The following SEC63 variants were observed in gnomAD, a reference collection of about 807,000 sequenced individuals.
The protein encoded by SEC63 is translocation protein SEC63 homolog.
In SEC63, 56 loss-of-function variants were observed where a neutral mutation model predicts 116.2. The observed-to-expected ratio is 0.48, with a 90% CI of 0.39 to 0.60. The LOEUF (loss-of-function observed/expected upper bound fraction) is 0.60. Ranked by LOEUF, SEC63 falls within the 20% of genes least tolerant of loss-of-function variation. SEC63 has a pLI of 0.00. For synonymous variants in SEC63, 273 were observed against 294.6 expected (o/e 0.93, Z 0.75); for missense variants, 668 against 900.0 (o/e 0.74, Z 3.30).
At chr6:107,936,981 T>C (rs1218326970) in intron 1 of SEC63, among the ~76,000 whole-genome samples, 1 of 152,220 alleles carries the variant, frequency 6.6e-6, no homozygotes, top group Non-Finnish European at 1.5e-5. Context: ...CTCCCACTTA[T>C]AAGTCAGAAC....
At chr6:107,905,928 T>C (rs1210446873) in intron 10 of SEC63, among the ~76,000 whole-genome samples, 1 of 152,204 alleles carries the variant, frequency 6.6e-6, no homozygotes, top group Non-Finnish European at 1.5e-5. Flanking sequence ...TAAAAAGTCC[T>C]TGAGCAATTA....
At chr6:107,935,156 C>T (rs1186926229) in intron 1 of SEC63, among the ~76,000 whole-genome samples, 3 of 147,968 alleles carry the variant, frequency 2.0e-5, no homozygotes, top group East Asian at 4.2e-4. Context: ...CTGCCCCGTC[C>T]GGGAGGGAGG....
chr6:107,921,915 GAAAAAC>G lies in SEC63; in HGVS notation c.340-12_340-7del, dbSNP rs398124248. 255,863 of 1,053,798 alleles carry G rather than the reference GAAAAAC, an allele frequency of 0.24. 17,638 individuals are homozygous for G. Among genetic ancestry groups the G allele is most frequent in the South Asian group, 0.31 (19,839 of 64,684 alleles). The allele number at this position is 1,053,798 out of a possible 1,614,324, so 65.3% of individuals were successfully genotyped here. A position where few individuals can be genotyped will look rare whatever the true frequency, so the allele number is the denominator to read the frequency against. ...ATTTCTGCTACTGTGGCTCCCTGGGGAAAAACAAAAAAAAAAAACAAGCTTTCTGTT... is the reference window on the plus strand; with the variant it reads ...ATTTCTGCTACTGTGGCTCCCTGGGGAAAAAAAAAAAACAAGCTTTCTGTT... On this transcript the variant is annotated splice_region_variant and splice_polypyrimidine_tract_variant and intron_variant, in intron 3 of 20. Coordinates refer to ENST00000369002, the MANE Select transcript of SEC63 (RefSeq NM_007214.5).
chr6:107,869,485 AT>A lies in SEC63; in HGVS notation c.*2218del. ...TTGTTGACAAAATGTCAGTTTCTTT[AT>A]AGGAAGAAAATTGAAACTTTGCTCA... On this transcript the variant is annotated 3_prime_UTR_variant, in exon 21 of 21. Coordinates refer to ENST00000369002, the MANE Select transcript of SEC63 (RefSeq NM_007214.5). 1 of 152,288 alleles carries A rather than the reference AT, an allele frequency of 6.6e-6. No individual in the cohort carries two copies. Among genetic ancestry groups the A allele is most frequent in the East Asian group, 1.9e-4 (1 of 5,190 alleles). 9.4% of individuals were successfully genotyped at this position (152,288 alleles called of 1,614,324 possible).
intron 1 of SEC63, among the ~76,000 whole-genome samples, chr6:107,939,869 A>C (rs1029990886): frequency 1.3e-5 from 2 of 152,216 alleles, no homozygotes; most frequent in East Asian, 3.8e-4. Flanking sequence ...GAAGTGAAAA[A>C]TTGGGAAATA....
chr6:107,912,774 G>T lies in SEC63; in HGVS notation c.515C>A (p.Ala172Asp). ...EEFGNPDGPQ[A>D]TSFGIALPAW... The stretch of plus-strand genomic sequence containing the variant: ...TGGCAGGGCAATTCCAAAGCTTGTG[G>T]CTGAAATAGAAAAAATATCAGTTTC... Residue 172 changes from alanine to aspartate, a missense_variant and splice_region_variant, in exon 6 of 21, where the codon GCC becomes GAC. Around this residue, in one of 5 missense-constraint regions of SEC63, gnomAD observed 430 missense variants for 557.5 expected, o/e 0.77. Coordinates refer to ENST00000369002, the MANE Select transcript of SEC63 (RefSeq NM_007214.5). The T allele has an allele frequency of 6.2e-7, 1 of 1,608,946 alleles. No homozygotes were observed. The highest frequency in any genetic ancestry group is 8.5e-7 in the Non-Finnish European group (1 of 1,175,686).
chr6:107,938,138 C>T (rs1386077113), intron 1 of SEC63, among the ~76,000 whole-genome samples: 2 of 152,068 alleles, frequency 1.3e-5, no homozygotes, highest in Non-Finnish European at 2.9e-5. Context: ...AAAACCACAG[C>T]AATTTCATAC....
chr6:107,944,574 G>C (rs1392676844), intron 1 of SEC63, among the ~76,000 whole-genome samples: 1 of 152,106 alleles, frequency 6.6e-6, no homozygotes, highest in East Asian at 1.9e-4. Context: ...GTGTATGCCT[G>C]TAATCCCAAG....
chr6:107,937,698 T>C (rs1297477575), intron 1 of SEC63, among the ~76,000 whole-genome samples: 3 of 152,294 alleles, frequency 2.0e-5, no homozygotes, highest in East Asian at 1.9e-4. Flanking sequence ...GTAACCTCCC[T>C]AGCATCTGTT....
rs1384141268 is a variant in SEC63 at position 107,869,863 on chromosome 6, A to G, written c.*1841T>C. On this transcript the variant is annotated 3_prime_UTR_variant, in exon 21 of 21. Coordinates refer to ENST00000369002, the MANE Select transcript of SEC63 (RefSeq NM_007214.5). ...AAAACCAGAGAAGCCAGCTGTGTGA[A>G]TGAACTTATAAAGCCTCTTTAAGGC... 2 of 150,062 alleles carry G rather than the reference A, an allele frequency of 1.3e-5. No homozygotes were observed. Among genetic ancestry groups the G allele is most frequent in the Non-Finnish European group, 3.0e-5 (2 of 67,786 alleles). 9.3% of individuals were successfully genotyped at this position (150,062 alleles called of 1,614,324 possible).
chr6:107,875,846 T>C (rs1286509723), intron 19 of SEC63, among the ~76,000 whole-genome samples: 1 of 152,162 alleles, frequency 6.6e-6, no homozygotes, highest in African/African-American at 2.4e-5. Context: ...GAAATAAATA[T>C]CTAGCAATAT....
intron 1 of SEC63, among the ~76,000 whole-genome samples, chr6:107,935,882 T>C (rs1198436301): frequency 1.3e-5 from 2 of 152,328 alleles, no homozygotes; most frequent in South Asian, 4.1e-4. Flanking sequence ...AGAACATCAC[T>C]GAGAAAGTGA....
intron 17 of SEC63, among the ~76,000 whole-genome samples, chr6:107,882,334 A>G (rs1019986085): frequency 2.0e-5 from 3 of 152,178 alleles, no homozygotes; most frequent in African/African-American, 7.2e-5. Context: ...GAAATGGCCG[A>G]GCAGTTTATT....
chr6:107,921,911 T>TGCG lies in SEC63; in HGVS notation c.340-3_340-2insCGC. ...TTTAATTTCTGCTACTGTGGCTCCC[T>TGCG]GGGGAAAAACAAAAAAAAAAAACAA... is the stretch of plus-strand genomic sequence containing the variant. On this transcript the variant is annotated splice_region_variant and splice_polypyrimidine_tract_variant and intron_variant, in intron 3 of 20. Transcript: ENST00000369002. 1 of 1,258,604 alleles carries TGCG rather than the reference T, an allele frequency of 7.9e-7. No individual in the cohort carries two copies. Among genetic ancestry groups the TGCG allele is most frequent in the Non-Finnish European group, 1.1e-6 (1 of 905,828 alleles). The allele number at this position is 1,258,604 out of a possible 1,614,324, so 78.0% of individuals were successfully genotyped here. A position where few individuals can be genotyped will look rare whatever the true frequency, so the allele number is the denominator to read the frequency against.
intron 3 of SEC63, among the ~76,000 whole-genome samples, chr6:107,924,455 A>C (rs550112978): frequency 6.6e-6 from 1 of 151,472 alleles, no homozygotes; most frequent in African/African-American, 2.4e-5. Context: ...GCGGGCGCCT[A>C]CCTGGGAGGC....
At chr6:107,956,027 G>C (rs2114527676) in intron 1 of SEC63, 1 of 415,866 alleles carries the variant, frequency 2.4e-6, no homozygotes, top group South Asian at 1.7e-5. Context: ...AGTCTGTAAG[G>C]CCAGCTACTC....
At chr6:107,943,817 A>G (rs1458009508) in intron 1 of SEC63, among the ~76,000 whole-genome samples, 1 of 152,232 alleles carries the variant, frequency 6.6e-6, no homozygotes, top group Non-Finnish European at 1.5e-5. Flanking sequence ...AAGTGATCAA[A>G]GAGACCACGA....
chr6:107,923,612 C>T (rs564461381), intron 3 of SEC63, among the ~76,000 whole-genome samples: 12 of 152,210 alleles, frequency 7.9e-5, no homozygotes, highest in African/African-American at 2.4e-4. Flanking sequence ...CTCATCTCAA[C>T]CTTCTTGGCT....
chr6:107,894,080 A>G lies in SEC63; in HGVS notation c.1441-183T>C, dbSNP rs190252273. On this transcript the variant is annotated intron_variant, in intron 14 of 20. Transcript: ENST00000369002. ...GTGCCTATGCAGGTAGATACCTTCT[A>G]AAGTATCTCACATCTGTCTTGAACA... Among the ~76,000 whole-genome samples the G allele has an allele frequency of 1.9e-3, 284 of 152,354 alleles. 1 individual carries two copies. Among genetic ancestry groups the G allele is most frequent in the African/African-American group, 6.2e-3 (257 of 41,590 alleles).
Sources: gnomAD v4.1 joint callset for allele counts (sites outside exome capture counted in the v4.1 genomes callset) on GRCh38, gnomAD v4.1.1 for gene constraint, gnomAD v4.1.1 regional missense constraint, MANE v1.5 for transcripts, NCBI Gene and HGNC (gene_info 2026-07-23, HGNC 2026-07-21) for gene names.